The following TMEM45A variants were observed in gnomAD, a reference collection of about 807,000 sequenced individuals.
The protein encoded by TMEM45A is DNA polymerase-transactivated protein 4.
Under a neutral mutation model 32.0 loss-of-function variants are expected in TMEM45A, and 25 were observed. The observed-to-expected ratio is 0.78, with a 90% CI of 0.57 to 1.09. TMEM45A has a LOEUF of 1.09. Among genes scored for constraint, TMEM45A ranks in the 50% least tolerant of loss-of-function variants. The pLI, the probability that TMEM45A is intolerant of heterozygous loss-of-function variation, is 0.00. For missense variants in TMEM45A, 302 were observed against 325.0 expected (o/e 0.93, Z 0.54); for synonymous variants, 122 against 114.8 (o/e 1.06, Z -0.40).
chr3:100,525,254 A>C (rs142417101), intron 1 of TMEM45A, among the ~76,000 whole-genome samples: 1 of 152,312 alleles, frequency 6.6e-6, no homozygotes, highest in East Asian at 1.9e-4. Context: ...TTTTCTATTG[A>C]GCACATATTT....
intron 1 of TMEM45A, among the ~76,000 whole-genome samples, chr3:100,530,475 C>G (rs912883313): frequency 6.6e-6 from 1 of 152,194 alleles, no homozygotes; most frequent in Non-Finnish European, 1.5e-5. Context: ...CTGCTTTACT[C>G]AAAGTCTACT....
At chr3:100,557,886 A>AT (rs1323572978) in intron 3 of TMEM45A, among the ~76,000 whole-genome samples, 11 of 152,194 alleles carry the variant, frequency 7.2e-5, no homozygotes, top group African/African-American at 2.7e-4. Context: ...GCATGTTGTT[A>AT]TATCTGTCAA....
chr3:100,563,969 A>G (rs1342327757), intron 4 of TMEM45A, among the ~76,000 whole-genome samples: 3 of 152,342 alleles, frequency 2.0e-5, no homozygotes, highest in Non-Finnish European at 2.9e-5. Context: ...TGCCTTTAGA[A>G]TATATCCATG....
At chr3:100,509,452 G>T (rs1410413982) in intron 1 of TMEM45A, among the ~76,000 whole-genome samples, 1 of 152,186 alleles carries the variant, frequency 6.6e-6, no homozygotes, top group African/African-American at 2.4e-5. Flanking sequence ...CAAAGGAAAA[G>T]AAATCAGTAT....
At chr3:100,514,954 A>G (rs371514790) in intron 1 of TMEM45A, among the ~76,000 whole-genome samples, 52,061 of 144,388 alleles carry the variant, frequency 0.36, 8,668 homozygotes, top group Middle Eastern at 0.43. Flanking sequence ...TTAGAATGGC[A>G]ATCATTAAAA....
At chr3:100,541,139 T>G (rs1705865455) in intron 1 of TMEM45A, among the ~76,000 whole-genome samples, 1 of 152,222 alleles carries the variant, frequency 6.6e-6, no homozygotes, top group African/African-American at 2.4e-5. Flanking sequence ...GAGAAGTGTC[T>G]GTTCATGTCT....
intron 1 of TMEM45A, among the ~76,000 whole-genome samples, chr3:100,494,794 A>G (rs1181657078): frequency 6.6e-6 from 1 of 152,194 alleles, no homozygotes; most frequent in Non-Finnish European, 1.5e-5. Flanking sequence ...ACAGCCCTAC[A>G]ACAGTAACTT....
chr3:100,512,090 C>T lies in TMEM45A; in HGVS notation c.-4+19162C>T, dbSNP rs370576917. Among the ~76,000 whole-genome samples, 9 of 152,184 alleles carry T rather than the reference C, an allele frequency of 5.9e-5. No individual in the cohort carries two copies. In the South Asian group the frequency reaches 1.7e-3, roughly 28 times the overall value. On this transcript the variant is annotated intron_variant, in intron 1 of 5. Coordinates refer to ENST00000323523, the MANE Select transcript of TMEM45A (RefSeq NM_018004.3). ...TGAGACAGAAAGTCAACAAGGATAC[C>T]CAGGAATTGAACCCAGCTCTGCACC...
chr3:100,520,439 T>C (rs1393030344), intron 1 of TMEM45A, among the ~76,000 whole-genome samples: 2 of 152,228 alleles, frequency 1.3e-5, no homozygotes, highest in Admixed American at 6.5e-5. Flanking sequence ...CTTAGGGCTA[T>C]GTTAAGATGC....
At chr3:100,548,191 C>T (rs1238307223) in intron 1 of TMEM45A, among the ~76,000 whole-genome samples, 1 of 152,166 alleles carries the variant, frequency 6.6e-6, no homozygotes, top group South Asian at 2.1e-4. Context: ...ACACTCATCT[C>T]TGGTCACATG....
chr3:100,535,028 G>T (rs1196742710), intron 1 of TMEM45A, among the ~76,000 whole-genome samples: 1 of 152,108 alleles, frequency 6.6e-6, no homozygotes, highest in African/African-American at 2.4e-5. Context: ...TCTCTATCAT[G>T]TTGTCCTGGG....
chr3:100,551,908 T>C (rs535745852), intron 1 of TMEM45A, among the ~76,000 whole-genome samples: 43 of 152,250 alleles, frequency 2.8e-4, no homozygotes, highest in African/African-American at 9.6e-4. Flanking sequence ...TCACAAACCC[T>C]CCACTATTCC....
intron 1 of TMEM45A, among the ~76,000 whole-genome samples, chr3:100,506,639 T>A (rs535979927): frequency 4.9e-3 from 745 of 152,288 alleles, no homozygotes; most frequent in Non-Finnish European, 8.8e-3. Flanking sequence ...TTTCAGAAAA[T>A]ATTTTTTCTG....
chr3:100,572,827 A>G (rs1237027667), intron 5 of TMEM45A: 1 of 149,566 alleles, frequency 6.7e-6, no homozygotes, highest in Non-Finnish European at 1.5e-5. Context: ...ATGGCTAGCC[A>G]GTTTTCCCAG....
chr3:100,506,089 C>G (rs986657623), intron 1 of TMEM45A, among the ~76,000 whole-genome samples: 10 of 152,106 alleles, frequency 6.6e-5, no homozygotes, highest in African/African-American at 2.2e-4. Flanking sequence ...GGGGGCCAAG[C>G]TTGTGGGGGG....
chr3:100,554,166 A>G (rs1302443474), intron 1 of TMEM45A, among the ~76,000 whole-genome samples: 1 of 150,442 alleles, frequency 6.6e-6, no homozygotes, highest in Non-Finnish European at 1.5e-5. Flanking sequence ...TTAAAAACTC[A>G]CATAATTCTT....
chr3:100,514,911 T>C (rs1442342896), intron 1 of TMEM45A, among the ~76,000 whole-genome samples: 2 of 148,126 alleles, frequency 1.4e-5, no homozygotes, highest in Non-Finnish European at 3.0e-5. Context: ...GAAATGCAAA[T>C]CAAAACCACA....
chr3:100,562,566 G>A (rs892015179), intron 4 of TMEM45A, among the ~76,000 whole-genome samples: 7 of 152,158 alleles, frequency 4.6e-5, no homozygotes, highest in Non-Finnish European at 1.0e-4. Context: ...ATGCCTAATG[G>A]AGGTGACTTG....
chr3:100,504,286 A>G (rs569557154), intron 1 of TMEM45A, among the ~76,000 whole-genome samples: 43 of 152,156 alleles, frequency 2.8e-4, no homozygotes, highest in African/African-American at 9.9e-4. Context: ...TATCGCCACA[A>G]TGTTAAACTA....
Sources: allele counts gnomAD v4.1 joint callset (sites outside exome capture counted in the v4.1 genomes callset), GRCh38; gene constraint gnomAD v4.1.1; transcripts MANE v1.5; gene names NCBI Gene and HGNC (gene_info 2026-07-23, HGNC 2026-07-21).